The following POLDIP3 variants were observed in gnomAD, a reference collection of about 807,000 sequenced individuals.
POLDIP3 encodes polymerase delta-interacting protein 3.
A neutral mutation model predicts 45.1 loss-of-function variants in POLDIP3; 14 were observed. The observed-to-expected ratio is 0.31, with a 90% CI of 0.20 to 0.49. The LOEUF (loss-of-function observed/expected upper bound fraction) is 0.49, where lower values mean the gene tolerates loss of function less well. Among genes scored for constraint, POLDIP3 ranks in the 20% least tolerant of loss-of-function variants. POLDIP3 has a pLI of 0.99. For synonymous variants in POLDIP3, 223 were observed against 205.2 expected, an observed-to-expected ratio of 1.09 and a Z score of -0.74; for missense variants, 511 against 538.8, an observed-to-expected ratio of 0.95 and a Z score of 0.51.
chr22:42,597,716 A>G (rs749977919), intron 4 of POLDIP3: 5 of 470,928 alleles, frequency 1.1e-5, no homozygotes, highest in African/African-American at 8.0e-5. Context: ...TGAGCAGTCT[A>G]ATTACTGGAA....
chr22:42,584,927 A>C lies in POLDIP3; in HGVS notation c.*864T>G, dbSNP rs1303889959. ...CCAAGCACTGCACAATGGGAGGCTG[A>C]GCCTTTCAAAGGCCCAACCAGAAGA... is the stretch of plus-strand genomic sequence containing the variant. On this transcript the variant is annotated 3_prime_UTR_variant, in exon 9 of 9. Coordinates refer to ENST00000252115, the MANE Select transcript of POLDIP3 (RefSeq NM_032311.5). The C allele has an allele frequency of 8.8e-6, 4 of 456,208 alleles. No homozygotes were observed. The highest frequency in any genetic ancestry group is 1.3e-5 in the Non-Finnish European group (3 of 226,986). 28.3% of individuals were successfully genotyped at this position (456,208 alleles called of 1,614,324 possible). A position where few individuals can be genotyped will look rare whatever the true frequency, so the allele number is the denominator to read the frequency against.
chr22:42,614,866 G>C lies in POLDIP3; in HGVS notation c.-9C>G, dbSNP rs1489580900. 3 of 1,613,280 alleles carry C rather than the reference G, an allele frequency of 1.9e-6. No individual in the cohort carries two copies. The highest frequency in any genetic ancestry group is 1.7e-6 in the Non-Finnish European group (2 of 1,179,804). ...AGGGAGATGTCCGCCATCTTGCTCCGCCGAGCAAGCCGAAAGCAGTCGAGA... is the reference window on the plus strand; with the variant it reads ...AGGGAGATGTCCGCCATCTTGCTCCCCCGAGCAAGCCGAAAGCAGTCGAGA... On this transcript the variant is annotated 5_prime_UTR_variant, in exon 1 of 9. Transcript: ENST00000252115.
chr22:42,608,048 G>T (rs988818596), intron 1 of POLDIP3, among the ~76,000 whole-genome samples: 1 of 152,182 alleles, frequency 6.6e-6, no homozygotes. Flanking sequence ...CCGCCACCCC[G>T]TCTGGGAGGT....
In POLDIP3 at chr22:42,602,783, G is replaced by A; in HGVS notation, c.437C>T (p.Thr146Ile). ...IGTVTPALKLTKTIQVPQQKA... is the reference protein window; with the variant it reads ...IGTVTPALKLIKTIQVPQQKA... ...GCCACAACTCACCTGGATGGTTTTGGTGAGCTTCAGAGCAGGGGTCACTGT... is the reference window on the plus strand; with the variant it reads ...GCCACAACTCACCTGGATGGTTTTGATGAGCTTCAGAGCAGGGGTCACTGT... Residue 146 changes from threonine (T) to isoleucine (I), a missense_variant, in exon 2 of 9, where the codon ACC (threonine) becomes ATC (isoleucine). Physicochemically the swap from Thr to Ile is moderately conservative, Grantham distance 89. Coordinates refer to ENST00000252115, the MANE Select transcript of POLDIP3 (RefSeq NM_032311.5). 2 of 1,603,148 alleles carry A rather than the reference G, an allele frequency of 1.2e-6. No individual in the cohort carries two copies. The highest frequency in any genetic ancestry group is 1.7e-6 in the Non-Finnish European group (2 of 1,173,836).
intron 7 of POLDIP3, among the ~76,000 whole-genome samples, chr22:42,590,597 G>A (rs1925604573): frequency 6.6e-6 from 1 of 152,198 alleles, no homozygotes; most frequent in African/African-American, 2.4e-5. Flanking sequence ...TGTCATATAT[G>A]TGGTCTGCTG....
chr22:42,595,603 G>C lies in POLDIP3; in HGVS notation c.825C>G (p.Ser275Arg). The C allele has an allele frequency of 6.2e-7, 1 of 1,613,836 alleles. No individual in the cohort carries two copies. The highest frequency in any genetic ancestry group is 8.5e-7 in the Non-Finnish European group (1 of 1,179,864). Residue 275 changes from serine (S) to arginine (R), a missense_variant, in exon 6 of 9, where the codon AGC becomes AGG. Around this residue, in one of 4 missense-constraint regions of POLDIP3, gnomAD observed 378 missense variants for 352.3 expected, o/e 1.07. Transcript: ENST00000252115. Reference protein sequence around the residue: ...KELPAAEPVLSPLEGTKMTVN... With the variant: ...KELPAAEPVLRPLEGTKMTVN... The stretch of plus-strand genomic sequence containing the variant: ...CAGTCATCTTGGTGCCTTCCAATGG[G>C]CTGAGAACAGGCTGCCACACAGACA...
intron 4 of POLDIP3, among the ~76,000 whole-genome samples, chr22:42,599,332 A>G (rs940055795): frequency 6.6e-6 from 1 of 152,224 alleles, no homozygotes; most frequent in African/African-American, 2.4e-5. Context: ...CGCCGGGCGC[A>G]GTGGCTTACG....
chr22:42,591,321 C>G (rs1164877740), intron 7 of POLDIP3, among the ~76,000 whole-genome samples: 1 of 152,146 alleles, frequency 6.6e-6, no homozygotes, highest in Non-Finnish European at 1.5e-5. Context: ...GGGGAGTTCA[C>G]CCAGGTGCCA....
At chr22:42,594,697 T>G (rs997230995) in intron 6 of POLDIP3, among the ~76,000 whole-genome samples, 1 of 152,148 alleles carries the variant, frequency 6.6e-6, no homozygotes, top group Non-Finnish European at 1.5e-5. Flanking sequence ...GAAAATGATG[T>G]TGAAAAGAAG....
At chr22:42,595,345 C>T (rs376969411) in intron 6 of POLDIP3, among the ~76,000 whole-genome samples, 192 bp downstream of exon 6, 74 of 149,724 alleles carry the variant, frequency 4.9e-4, no homozygotes, top group African/African-American at 1.3e-3. Flanking sequence ...GCTTGTGCCT[C>T]GTTTCCCCCC....
intron 3 of POLDIP3, 112 bp downstream of exon 3, chr22:42,601,858 T>G: frequency 7.7e-7 from 1 of 1,301,816 alleles, no homozygotes; most frequent in East Asian, 2.5e-5. Context: ...AACTACCAAC[T>G]GAGCAAGCCT....
At chr22:42,599,287 C>G (rs1162653581) in intron 4 of POLDIP3, among the ~76,000 whole-genome samples, 1 of 152,212 alleles carries the variant, frequency 6.6e-6, no homozygotes, top group Non-Finnish European at 1.5e-5. Context: ...ACGGCCCAAA[C>G]AAAGAAATAT....
chr22:42,596,609 A>C lies in POLDIP3; in HGVS notation c.634-244T>G, dbSNP rs569144205. Among the ~76,000 whole-genome samples the C allele has an allele frequency of 2.6e-4, 39 of 152,272 alleles. 1 individual carries two copies. The South Asian group carries it at 8.1e-3, about 32-fold the overall frequency. On this transcript the variant is annotated intron_variant, in intron 4 of 8. Transcript: ENST00000252115. Reference sequence around the variant, plus strand: ...CAGAAGCCACTCCCCACAGTGCTAGAAGCTCTTGGCAGGAAGCTTCCATAC... The same window carrying C: ...CAGAAGCCACTCCCCACAGTGCTAGCAGCTCTTGGCAGGAAGCTTCCATAC...
At chr22:42,612,192 C>A (rs929396532) in intron 1 of POLDIP3, among the ~76,000 whole-genome samples, 2 of 152,186 alleles carry the variant, frequency 1.3e-5, no homozygotes, top group African/African-American at 4.8e-5. Flanking sequence ...CCTTCAATGA[C>A]AATAACGAAA....
At chr22:42,593,944 C>T (rs990527281) in intron 6 of POLDIP3, among the ~76,000 whole-genome samples, 14 of 152,188 alleles carry the variant, frequency 9.2e-5, no homozygotes, top group South Asian at 4.1e-4. Context: ...ACCCATCTCA[C>T]GGCATGCGTG....
At chr22:42,612,721 G>A (rs1927201303) in intron 1 of POLDIP3, among the ~76,000 whole-genome samples, 1 of 152,150 alleles carries the variant, frequency 6.6e-6, no homozygotes, top group African/African-American at 2.4e-5. Flanking sequence ...AGCTACTTGG[G>A]AGGCTGAGAC....
At chr22:42,593,986 G>A (rs984917502) in intron 6 of POLDIP3, among the ~76,000 whole-genome samples, 2 of 152,062 alleles carry the variant, frequency 1.3e-5, no homozygotes, top group African/African-American at 4.8e-5. Context: ...CCTCAGCTGG[G>A]CACAGTGGCT....
intron 7 of POLDIP3, among the ~76,000 whole-genome samples, chr22:42,588,622 C>T (rs1925468750): frequency 1.4e-5 from 2 of 146,572 alleles, no homozygotes; most frequent in Admixed American, 6.7e-5. Context: ...ACACATTTTT[C>T]TTTCTTTCTT....
At chr22:42,587,422 G>T in intron 8 of POLDIP3, 84 bp downstream of exon 8, 1 of 1,331,966 alleles carries the variant, frequency 7.5e-7, no homozygotes, top group Non-Finnish European at 1.1e-6. Context: ...ATGAAGGGGA[G>T]CTGTGATGCA....
Sources: gnomAD v4.1 joint callset for allele counts (sites outside exome capture counted in the v4.1 genomes callset) on GRCh38, gnomAD v4.1.1 for gene constraint, gnomAD v4.1.1 regional missense constraint, MANE v1.5 for transcripts, NCBI Gene and HGNC (gene_info 2026-07-23, HGNC 2026-07-21) for gene names.